The following CSMD1 variants were observed in gnomAD, a reference collection of about 807,000 sequenced individuals.
The protein encoded by CSMD1 is CUB and sushi domain-containing protein 1.
A neutral mutation model predicts 417.5 loss-of-function variants in CSMD1; 213 were observed. The observed-to-expected ratio is 0.51, with a 90% confidence interval of 0.46 to 0.57. The LOEUF (loss-of-function observed/expected upper bound fraction) is 0.57, where lower values mean the gene tolerates loss of function less well. Among genes scored for constraint, CSMD1 ranks in the 20% least tolerant of loss-of-function variants. The probability of loss-of-function intolerance (pLI) is 0.00; values close to 1 mark genes in which losing one functional copy is unlikely to be tolerated. For missense variants in CSMD1, 6,923 were observed against 4,529.7 expected, an observed-to-expected ratio of 1.53 and a Z score of -15.17; for synonymous variants, 2,862 against 1,736.8, an observed-to-expected ratio of 1.65 and a Z score of -16.11.
chr8:3,613,110 G>C (rs1801970300), intron 8 of CSMD1, among the ~76,000 whole-genome samples: 1 of 151,836 alleles, frequency 6.6e-6, no homozygotes, highest in African/African-American at 2.4e-5. Flanking sequence ...CTCATTTAAA[G>C]GATAATAAAG....
chr8:4,215,511 T>G (rs1459796109), intron 3 of CSMD1, among the ~76,000 whole-genome samples: 2 of 151,366 alleles, frequency 1.3e-5, no homozygotes, highest in Non-Finnish European at 3.0e-5. Context: ...TAGAGAGTTT[T>G]TTTTTTTTCT....
intron 3 of CSMD1, among the ~76,000 whole-genome samples, chr8:4,237,646 G>T (rs958840019): frequency 6.6e-6 from 1 of 151,882 alleles, no homozygotes; most frequent in Non-Finnish European, 1.5e-5. Context: ...CTTTCTAGTA[G>T]CTGAGACTGG....
intron 50 of CSMD1, among the ~76,000 whole-genome samples, chr8:3,048,905 G>T (rs1811638035): frequency 6.6e-6 from 1 of 150,908 alleles, no homozygotes; most frequent in Non-Finnish European, 1.5e-5. Flanking sequence ...TAACAACCTG[G>T]CTAAAAATGG....
chr8:3,557,621 T>G (rs1179615051), intron 10 of CSMD1, among the ~76,000 whole-genome samples: 3 of 152,318 alleles, frequency 2.0e-5, no homozygotes, highest in Admixed American at 2.0e-4. Flanking sequence ...TTCTTTCCTC[T>G]GCTTTGAGGC....
At chr8:4,276,888 A>G (rs1006025898) in intron 3 of CSMD1, among the ~76,000 whole-genome samples, 5 of 152,334 alleles carry the variant, frequency 3.3e-5, no homozygotes, top group African/African-American at 4.8e-5. Context: ...ATTTAAATAC[A>G]TAGTTAAAAT....
At chr8:3,238,978 T>C (rs1419779254) in intron 26 of CSMD1, among the ~76,000 whole-genome samples, 1 of 152,082 alleles carries the variant, frequency 6.6e-6, no homozygotes, top group African/African-American at 2.4e-5. Flanking sequence ...GACAAGTTTT[T>C]TGGGGCACAG....
chr8:3,417,643 CAT>C (rs1813238489), intron 12 of CSMD1, among the ~76,000 whole-genome samples: 1 of 151,584 alleles, frequency 6.6e-6, no homozygotes, highest in Non-Finnish European at 1.5e-5. Flanking sequence ...TACATGCTTC[CAT>C]TTTCGCTGAA....
chr8:3,366,811 G>A (rs1404743541), intron 20 of CSMD1, among the ~76,000 whole-genome samples: 2 of 152,222 alleles, frequency 1.3e-5, no homozygotes, highest in Non-Finnish European at 2.9e-5. Context: ...CACAAATTGT[G>A]TAACACAAAG....
At chr8:3,912,184 G>C (rs1365792726) in intron 5 of CSMD1, among the ~76,000 whole-genome samples, 1 of 152,118 alleles carries the variant, frequency 6.6e-6, no homozygotes, top group Non-Finnish European at 1.5e-5. Flanking sequence ...AATTTGTAAT[G>C]ATTTCAGAGA....
At chr8:4,296,852 C>T (rs1164738407) in intron 3 of CSMD1, among the ~76,000 whole-genome samples, 1 of 151,894 alleles carries the variant, frequency 6.6e-6, no homozygotes, top group Non-Finnish European at 1.5e-5. Context: ...CTGCTATCTC[C>T]CAGACTTGTC....
At chr8:3,892,412 A>G (rs1051641386) in intron 5 of CSMD1, among the ~76,000 whole-genome samples, 14 of 152,112 alleles carry the variant, frequency 9.2e-5, no homozygotes, top group African/African-American at 2.7e-4. Context: ...ATCAAGGAGA[A>G]CTTCCCCAAA....
rs536408683 is a variant in CSMD1, at chr8:3,468,755, C to T, written c.1518G>A (p.Ser506=). Residue 506 remains serine, a synonymous_variant, in exon 12 of 70, where the codon TCG becomes TCA. Transcript: ENST00000635120. ...ACCCAGGTGAGCCAATGCTATCATC[C>T]GACTGCAGATGTAGCCACATCTGGT... ...MSNQMWLHLQ[S]DDSIGSPGFK... 125 of 1,607,204 alleles carry T rather than the reference C, an allele frequency of 7.8e-5. No homozygotes were observed. The highest frequency in any genetic ancestry group is 1.6e-4 in the East Asian group (7 of 44,730).
At chr8:3,815,640 T>A (rs1190787794) in intron 5 of CSMD1, among the ~76,000 whole-genome samples, 1 of 139,870 alleles carries the variant, frequency 7.1e-6, no homozygotes, top group Non-Finnish European at 1.6e-5. Context: ...TTTTTTTTTT[T>A]TAACAAATAA....
At chr8:3,866,401 T>G (rs1217389476) in intron 5 of CSMD1, among the ~76,000 whole-genome samples, 2 of 152,224 alleles carry the variant, frequency 1.3e-5, no homozygotes, top group African/African-American at 4.8e-5. Flanking sequence ...TTAGCTCATA[T>G]GGTTTAGTAA....
chr8:4,088,271 C>T (rs558629420), intron 3 of CSMD1, among the ~76,000 whole-genome samples: 1 of 152,228 alleles, frequency 6.6e-6, no homozygotes, highest in South Asian at 2.1e-4. Flanking sequence ...CGTGTTCCCA[C>T]TTCTCAATTG....
intron 2 of CSMD1, among the ~76,000 whole-genome samples, chr8:4,588,684 C>T (rs1799830157): frequency 6.6e-6 from 1 of 151,834 alleles, no homozygotes; most frequent in African/African-American, 2.4e-5. Context: ...ACTCAAGAGG[C>T]TGAGGCACAA....
chr8:3,201,205 T>A (rs1432190890), intron 32 of CSMD1, among the ~76,000 whole-genome samples: 1 of 152,224 alleles, frequency 6.6e-6, no homozygotes, highest in African/African-American at 2.4e-5. Flanking sequence ...CATGTGTGGC[T>A]ATTAATGGGT....
chr8:4,899,149 G>C (rs535849505), intron 1 of CSMD1, among the ~76,000 whole-genome samples: 21 of 152,290 alleles, frequency 1.4e-4, no homozygotes, highest in African/African-American at 4.3e-4. Context: ...GGCAAATTGA[G>C]CTAAAACCTT....
At chr8:4,209,572 G>A (rs1157034375) in intron 3 of CSMD1, among the ~76,000 whole-genome samples, 4 of 152,138 alleles carry the variant, frequency 2.6e-5, no homozygotes, top group African/African-American at 9.7e-5. Flanking sequence ...TCTGGCATTT[G>A]TCCACCTGCC....
Sources: gnomAD v4.1 joint callset for allele counts (sites outside exome capture counted in the v4.1 genomes callset) on GRCh38, gnomAD v4.1.1 for gene constraint, MANE v1.5 for transcripts, NCBI Gene and HGNC (gene_info 2026-07-23, HGNC 2026-07-21) for gene names.